Variants in ZC3HC1 observed in about 807,000 individuals in gnomAD.
ZC3HC1 encodes zinc finger C3HC-type containing 1, also known as zinc finger C3HC-type protein 1.
In ZC3HC1, 38 loss-of-function variants were observed where a neutral mutation model predicts 61.9. The ratio of observed to expected loss-of-function variants is 0.61; its 90% CI spans 0.47 to 0.81. The LOEUF (loss-of-function observed/expected upper bound fraction) is 0.81. Among genes scored for constraint, ZC3HC1 ranks in the 30% least tolerant of loss-of-function variants. ZC3HC1 has a pLI of 0.00. For missense variants in ZC3HC1, 554 were observed against 622.7 expected, an observed-to-expected ratio of 0.89 and a Z score of 1.17; for synonymous variants, 213 against 229.9, an observed-to-expected ratio of 0.93 and a Z score of 0.67.
chr7:130,049,244 G>T, intron 1 of ZC3HC1, 100 bp from the exon 2 acceptor site: 2 of 780,790 alleles, frequency 2.6e-6, no homozygotes, highest in South Asian at 3.6e-5. Flanking sequence ...TCACACCAAC[G>T]CTGGATTTTA....
At chr7:130,027,622 A>G (rs569717837) in intron 5 of ZC3HC1, among the ~76,000 whole-genome samples, 2 of 152,136 alleles carry the variant, frequency 1.3e-5, no homozygotes, top group South Asian at 2.1e-4. Flanking sequence ...GGTTCAAGCA[A>G]TTCTCCTGCC....
chr7:130,019,008 A>C (rs1033392692), intron 9 of ZC3HC1, among the ~76,000 whole-genome samples: 2 of 150,658 alleles, frequency 1.3e-5, no homozygotes, highest in Non-Finnish European at 2.9e-5. Flanking sequence ...TGAGGATGAC[A>C]CTTCTGACTT....
rs779624288 is a variant in ZC3HC1, at chr7:130,051,363, C to T, written c.4G>A (p.Ala2Thr). 1 of 1,612,564 alleles carries T rather than the reference C, an allele frequency of 6.2e-7. No homozygotes were observed. The highest frequency in any genetic ancestry group is 8.5e-7 in the Non-Finnish European group (1 of 1,179,258). ...AACGCTTGTCCCTCACAGGGCGCCGCCATCTTGGTCCGCTGCCGAGTTGCT... is the reference window on the plus strand; with the variant it reads ...AACGCTTGTCCCTCACAGGGCGCCGTCATCTTGGTCCGCTGCCGAGTTGCT... MAAPCEGQAFAV... is the reference protein window; with the variant it reads MTAPCEGQAFAV... The change falls in exon 1 of 10, where the codon GCG (alanine) becomes ACG (threonine). Residue 2 changes from alanine to threonine, a missense_variant. By Grantham distance (58) the Ala-to-Thr change is moderately conservative. Coordinates refer to ENST00000358303, the MANE Select transcript of ZC3HC1 (RefSeq NM_016478.5).
intron 4 of ZC3HC1, 40 bp from the exon 5 acceptor site, chr7:130,029,069 C>A (rs1193293510): frequency 1.9e-6 from 3 of 1,587,842 alleles, no homozygotes; most frequent in Non-Finnish European, 2.6e-6. Context: ...TTGGTGTAAA[C>A]TGTAAAAAAT....
chr7:130,050,682 C>A (rs1485967730), intron 1 of ZC3HC1, among the ~76,000 whole-genome samples: 1 of 152,164 alleles, frequency 6.6e-6, no homozygotes, highest in Non-Finnish European at 1.5e-5. Flanking sequence ...TGCATGTCTT[C>A]AAATACCTTT....
chr7:130,036,594 GT>G (rs1337610055), intron 4 of ZC3HC1: 6 of 151,968 alleles, frequency 3.9e-5, no homozygotes, highest in South Asian at 4.1e-4. Flanking sequence ...AAAATAAAAT[GT>G]TTAAAGAAAT....
In ZC3HC1 at chr7:130,022,309, C is replaced by A; in HGVS notation, c.1440+10G>T. On this transcript the variant is annotated intron_variant, in intron 9 of 9. Transcript: ENST00000358303. ...GTGCTGCCCACACACAAGGCAGTGG[C>A]GTATCTCACCATGGAGTCCGTTTCA... 1 of 1,614,012 alleles carries A rather than the reference C, an allele frequency of 6.2e-7. No homozygotes were observed. The highest frequency in any genetic ancestry group is 8.5e-7 in the Non-Finnish European group (1 of 1,180,024).
intron 1 of ZC3HC1, among the ~76,000 whole-genome samples, chr7:130,050,731 T>C (rs1303982001): frequency 6.6e-6 from 1 of 152,246 alleles, no homozygotes. Flanking sequence ...TGACAACACA[T>C]ACTACTAGAT....
chr7:130,046,479 C>T (rs142836516), intron 2 of ZC3HC1, among the ~76,000 whole-genome samples: 3,522 of 151,294 alleles, frequency 0.023, 122 homozygotes, highest in African/African-American at 0.08. Flanking sequence ...TGGTGGCGGG[C>T]GCCTGTAATC....
chr7:130,022,918 C>T (rs1793711004), intron 8 of ZC3HC1: 1 of 274,766 alleles, frequency 3.6e-6, no homozygotes, highest in African/African-American at 2.3e-5. Flanking sequence ...GAGCAGGAAC[C>T]CTACTGTGAA....
intron 4 of ZC3HC1, among the ~76,000 whole-genome samples, chr7:130,033,349 T>G (rs934945226): frequency 1.3e-5 from 2 of 152,084 alleles, no homozygotes; most frequent in Non-Finnish European, 2.9e-5. Flanking sequence ...ATTATTCTCT[T>G]ATTTGAGTTT....
intron 9 of ZC3HC1, among the ~76,000 whole-genome samples, chr7:130,021,587 G>A (rs957018590): frequency 2.6e-5 from 4 of 152,108 alleles, no homozygotes; most frequent in African/African-American, 7.2e-5. Context: ...CCCAGCGTGC[G>A]GAATGAGGCC....
chr7:130,050,021 C>G (rs949254702), intron 1 of ZC3HC1, among the ~76,000 whole-genome samples: 1 of 151,930 alleles, frequency 6.6e-6, no homozygotes, highest in Admixed American at 6.6e-5. Flanking sequence ...CAAAGCAATT[C>G]TCTCATTTTC....
intron 4 of ZC3HC1, among the ~76,000 whole-genome samples, chr7:130,029,605 G>C (rs1042038751): frequency 6.6e-6 from 1 of 152,134 alleles, no homozygotes; most frequent in South Asian, 2.1e-4. Context: ...ACAATGCAGA[G>C]GGGCAGGGTG....
intron 3 of ZC3HC1, among the ~76,000 whole-genome samples, chr7:130,039,979 C>T (rs1043060330): frequency 2.2e-4 from 34 of 151,304 alleles, no homozygotes; most frequent in East Asian, 2.0e-3. Context: ...TTCAGCCTCC[C>T]AAAATGCTGG....
chr7:130,028,163 CAAAAAAAAAAAAAAAAAAAAA>C lies in ZC3HC1; in HGVS notation c.621+718_621+738del, dbSNP rs58430072. On this transcript the variant is annotated intron_variant, in intron 5 of 9. Coordinates refer to ENST00000358303, the MANE Select transcript of ZC3HC1 (RefSeq NM_016478.5). ...CTGGCGACAGAACAAGACTCTGTCT[CAAAAAAAAAAAAAAAAAAAAA>C]AAAAAAAAAAAAAAAAGATATGCAA... Among the ~76,000 whole-genome samples the C allele has an allele frequency of 4.4e-4, 15 of 34,122 alleles. 2 individuals carry two copies. Among genetic ancestry groups the C allele is most frequent in the African/African-American group, 5.2e-4 (4 of 7,712 alleles). The allele number at this position is 34,122 out of a possible 152,430, so 22.4% of individuals were successfully genotyped here. A position where few individuals can be genotyped will look rare whatever the true frequency, so the allele number is the denominator to read the frequency against.
At chr7:130,024,115 A>G in intron 7 of ZC3HC1, 148 bp downstream of exon 7, 1 of 1,199,978 alleles carries the variant, frequency 8.3e-7, no homozygotes, top group Non-Finnish European at 1.1e-6. Context: ...TAGCTTCCCC[A>G]TTAGTGAACA....
intron 6 of ZC3HC1, 35 bp from the exon 7 acceptor site, chr7:130,024,541 T>A: frequency 6.3e-7 from 1 of 1,576,510 alleles, no homozygotes; most frequent in East Asian, 2.3e-5. Flanking sequence ...TTTCTCAAAG[T>A]GTAACATTTC....
chr7:130,048,052 A>G (rs1238655472), intron 2 of ZC3HC1, among the ~76,000 whole-genome samples: 1 of 152,064 alleles, frequency 6.6e-6, no homozygotes, highest in African/African-American at 2.4e-5. Flanking sequence ...GCCAGTATAG[A>G]ACTGAAGCCC....
Sources: gnomAD v4.1 joint callset for allele counts (sites outside exome capture counted in the v4.1 genomes callset) on GRCh38, gnomAD v4.1.1 for gene constraint, MANE v1.5 for transcripts, NCBI Gene and HGNC (gene_info 2026-07-23, HGNC 2026-07-21) for gene names.